The following ADCY2 variants were observed in gnomAD, a reference collection of about 807,000 sequenced individuals.
ADCY2 encodes adenylate cyclase type 2.
ADCY2 carries 31 observed loss-of-function variants against 125.2 expected under a neutral mutation model. The ratio of observed to expected loss-of-function variants is 0.25; its 90% CI spans 0.19 to 0.33. The LOEUF (loss-of-function observed/expected upper bound fraction) is 0.33, where lower values mean the gene tolerates loss of function less well. Ranked by LOEUF, ADCY2 falls within the 10% of genes least tolerant of loss-of-function variation. The pLI, the probability that ADCY2 is intolerant of heterozygous loss-of-function variation, is 1.00. For missense variants in ADCY2, 904 were observed against 1,418.2 expected (o/e 0.64, Z 5.82); for synonymous variants, 512 against 548.4 (o/e 0.93, Z 0.93).
chr5:7,531,678 G>A (rs868637835), intron 3 of ADCY2, among the ~76,000 whole-genome samples: 14 of 152,082 alleles, frequency 9.2e-5, no homozygotes, highest in South Asian at 4.1e-4. Flanking sequence ...CTGTCTTCAC[G>A]TGTCCTTCTT....
chr5:7,705,730 C>G lies in ADCY2; in HGVS notation c.1110-1014C>G, dbSNP rs192329927. Reference sequence around the variant, plus strand: ...TGGGTAGCTGGGTTTTTTGCAAAAGCAAGAAAGGAAGACAGTGAGGGCAAA... The same window carrying G: ...TGGGTAGCTGGGTTTTTTGCAAAAGGAAGAAAGGAAGACAGTGAGGGCAAA... On this transcript the variant is annotated intron_variant, in intron 7 of 24. Transcript: ENST00000338316. Among the ~76,000 whole-genome samples, 254 of 151,914 alleles carry G rather than the reference C, an allele frequency of 1.7e-3. 1 individual carries two copies. Among genetic ancestry groups the G allele is most frequent in the African/African-American group, 5.7e-3 (237 of 41,424 alleles).
At chr5:7,397,445 GTT>G (rs767411861) in intron 1 of ADCY2, among the ~76,000 whole-genome samples, 7 of 70,102 alleles carry the variant, frequency 1.0e-4, no homozygotes, top group African/African-American at 3.0e-4. Flanking sequence ...CCACCAGTGA[GTT>G]TTTTTTTTTT....
At chr5:7,656,547 A>G (rs572740051) in intron 4 of ADCY2, among the ~76,000 whole-genome samples, 19 of 152,316 alleles carry the variant, frequency 1.2e-4, no homozygotes, top group Middle Eastern at 3.4e-3. Context: ...AGCTATAAAT[A>G]CTTTTTAGTC....
At chr5:7,772,218 A>G (rs1309185032) in intron 17 of ADCY2, among the ~76,000 whole-genome samples, 1 of 152,216 alleles carries the variant, frequency 6.6e-6, no homozygotes, top group Non-Finnish European at 1.5e-5. Flanking sequence ...TCCAAAGCCT[A>G]TCTGAACGGT....
At chr5:7,784,773 G>GAAAAAAAAA (rs5865733) in intron 19 of ADCY2, among the ~76,000 whole-genome samples, 1 of 136,976 alleles carries the variant, frequency 7.3e-6, no homozygotes, top group Non-Finnish European at 1.6e-5. Flanking sequence ...GACACTATTT[G>GAAAAAAAAA]AAAAAAAAAA....
intron 3 of ADCY2, among the ~76,000 whole-genome samples, chr5:7,615,229 A>G (rs1226018147): frequency 6.6e-6 from 1 of 152,118 alleles, no homozygotes; most frequent in East Asian, 1.9e-4. Flanking sequence ...TCAACATGAG[A>G]TTTGTGTGGG....
chr5:7,454,226 C>G (rs1165506956), intron 2 of ADCY2, among the ~76,000 whole-genome samples: 1 of 152,154 alleles, frequency 6.6e-6, no homozygotes, highest in East Asian at 1.9e-4. Flanking sequence ...ATGACTTGCT[C>G]AAGGCTCAGT....
intron 3 of ADCY2, among the ~76,000 whole-genome samples, chr5:7,621,636 C>G (rs1561129515): frequency 6.6e-6 from 1 of 152,198 alleles, no homozygotes; most frequent in African/African-American, 2.4e-5. Flanking sequence ...TTGCGCTGCT[C>G]TCTGTACTCT....
chr5:7,728,499 A>G (rs563487741), intron 14 of ADCY2, among the ~76,000 whole-genome samples: 2 of 152,302 alleles, frequency 1.3e-5, no homozygotes, highest in East Asian at 3.9e-4. Flanking sequence ...GACTTACAGA[A>G]TCTTCAGTGA....
At chr5:7,545,254 G>A (rs2126566065) in intron 3 of ADCY2, among the ~76,000 whole-genome samples, 1 of 152,344 alleles carries the variant, frequency 6.6e-6, no homozygotes, top group East Asian at 1.9e-4. Flanking sequence ...CCTCCACTTG[G>A]TGTCCTCACG....
intron 14 of ADCY2, among the ~76,000 whole-genome samples, chr5:7,728,814 G>A (rs1742011459): frequency 6.6e-6 from 1 of 152,080 alleles, no homozygotes; most frequent in Non-Finnish European, 1.5e-5. Flanking sequence ...TCACCTACTG[G>A]GAGGTGCTGG....
intron 3 of ADCY2, among the ~76,000 whole-genome samples, chr5:7,529,220 C>T (rs1160030615): frequency 1.6e-5 from 2 of 124,506 alleles, no homozygotes; most frequent in Admixed American, 1.8e-4. Flanking sequence ...ATCATGGCCT[C>T]TTCCTAGGGC....
At chr5:7,757,273 A>G (rs544078335) in intron 15 of ADCY2, among the ~76,000 whole-genome samples, 176 bp from the exon 16 acceptor site, 11 of 152,324 alleles carry the variant, frequency 7.2e-5, no homozygotes, top group African/African-American at 2.6e-4. Flanking sequence ...CAATGATGCC[A>G]ACATAATTTT....
chr5:7,446,736 C>T (rs760000005), intron 2 of ADCY2, among the ~76,000 whole-genome samples: 1 of 152,152 alleles, frequency 6.6e-6, no homozygotes, highest in African/African-American at 2.4e-5. Context: ...TGGATCCATA[C>T]CCACGTGTGT....
intron 3 of ADCY2, among the ~76,000 whole-genome samples, chr5:7,579,450 G>C (rs932132764): frequency 6.6e-6 from 1 of 151,946 alleles, no homozygotes; most frequent in African/African-American, 2.4e-5. Context: ...GAGAGAGAGA[G>C]AACAGCCAAT....
Position 7,485,895 on chromosome 5 carries a change from A to G in ADCY2, c.409-34843A>G, listed in dbSNP as rs149471930. Among the ~76,000 whole-genome samples, 1,366 of 152,306 alleles carry G rather than the reference A, an allele frequency of 9.0e-3. 6 individuals carry two copies. Among genetic ancestry groups the G allele is most frequent in the Non-Finnish European group, 0.015 (1,011 of 68,016 alleles). ...ATCCAGATAATAAAAGGAGTGATCT[A>G]TGGCTGTGGATGTTAAAGATATTTA... On this transcript the variant is annotated intron_variant, in intron 2 of 24. Coordinates refer to ENST00000338316, the MANE Select transcript of ADCY2 (RefSeq NM_020546.3).
chr5:7,520,137 T>A (rs910061864), intron 2 of ADCY2, among the ~76,000 whole-genome samples: 23 of 152,240 alleles, frequency 1.5e-4, no homozygotes, highest in African/African-American at 5.3e-4. Context: ...TCTGTTTCAG[T>A]ACGTGTTTTC....
At chr5:7,570,658 A>C (rs1286003264) in intron 3 of ADCY2, among the ~76,000 whole-genome samples, 2 of 152,072 alleles carry the variant, frequency 1.3e-5, no homozygotes, top group Admixed American at 1.3e-4. Context: ...TGGGAGTAAA[A>C]AACAGCCACA....
At chr5:7,473,221 A>G (rs1158549004) in intron 2 of ADCY2, among the ~76,000 whole-genome samples, 1 of 152,102 alleles carries the variant, frequency 6.6e-6, no homozygotes, top group African/African-American at 2.4e-5. Flanking sequence ...AAAAAACATA[A>G]GTTTATTTGG....
Sources: allele counts gnomAD v4.1 joint callset (sites outside exome capture counted in the v4.1 genomes callset), GRCh38; gene constraint gnomAD v4.1.1; transcripts MANE v1.5; gene names NCBI Gene and HGNC (gene_info 2026-07-23, HGNC 2026-07-21).